Variants in PRKAR1A observed in about 807,000 individuals in gnomAD.
PRKAR1A encodes the protein cAMP-dependent protein kinase type I-alpha regulatory subunit.
In PRKAR1A, 3 loss-of-function variants were observed where a neutral mutation model predicts 52.0. That is an observed-to-expected ratio of 0.06 (90% CI 0.03 to 0.15). PRKAR1A has a LOEUF of 0.15. Among genes scored for constraint, PRKAR1A ranks in the 10% least tolerant of loss-of-function variants. PRKAR1A has a pLI of 1.00. For synonymous variants in PRKAR1A, 188 were observed against 168.4 expected, an observed-to-expected ratio of 1.12 and a Z score of -0.90; for missense variants, 240 against 477.4, an observed-to-expected ratio of 0.50 and a Z score of 4.63.
At chr17:68,530,129 G>A (rs942695161) in intron 10 of PRKAR1A, 128 bp downstream of exon 10, 1 of 1,477,532 alleles carries the variant, frequency 6.8e-7, no homozygotes, top group Non-Finnish European at 9.4e-7. Flanking sequence ...TTTTGGCTCT[G>A]AGAGGGAAGG....
chr17:68,467,074 G>T, the PRKAR1A span, among the ~76,000 whole-genome samples: 10 of 152,314 alleles, frequency 6.6e-5, no homozygotes, highest in Non-Finnish European at 1.3e-4. Flanking sequence ...GTTCATCCAC[G>T]TTGTAGCATG....
chr17:68,484,498 T>C, the PRKAR1A span, among the ~76,000 whole-genome samples: 1 of 152,152 alleles, frequency 6.6e-6, no homozygotes, highest in Non-Finnish European at 1.5e-5. Flanking sequence ...TCTACAATTT[T>C]ACTTCTTCCT....
the PRKAR1A span, among the ~76,000 whole-genome samples, chr17:68,429,281 G>T: frequency 6.6e-6 from 1 of 152,176 alleles, no homozygotes; most frequent in Non-Finnish European, 1.5e-5. Flanking sequence ...CAGAAAGGGG[G>T]TAAATGGAGG....
the PRKAR1A span, chr17:68,422,079 A>G: frequency 8.7e-6 from 4 of 458,372 alleles, no homozygotes; most frequent in East Asian, 7.2e-5. Flanking sequence ...GTATATGTAT[A>G]TATTTTTAAA....
chr17:68,446,642 G>A, the PRKAR1A span, among the ~76,000 whole-genome samples: 3 of 152,176 alleles, frequency 2.0e-5, no homozygotes, highest in Non-Finnish European at 4.4e-5. Flanking sequence ...AGCACATGCC[G>A]TGGTTAGAAC....
chr17:68,425,832 C>A, the PRKAR1A span: 1 of 425,834 alleles, frequency 2.3e-6, no homozygotes, highest in South Asian at 4.1e-5. Context: ...GCCACCAAGA[C>A]TCCCTGGATT....
the PRKAR1A span, among the ~76,000 whole-genome samples, chr17:68,466,454 C>G: frequency 6.7e-6 from 1 of 148,662 alleles, no homozygotes. Flanking sequence ...CTCTGTCACC[C>G]AGGCTGGAGT....
At chr17:68,474,399 T>C in the PRKAR1A span, among the ~76,000 whole-genome samples, 2 of 152,084 alleles carry the variant, frequency 1.3e-5, no homozygotes, top group African/African-American at 4.8e-5. Flanking sequence ...TCCCCAGGCG[T>C]GTACAGGAGG....
At chr17:68,519,953 C>T (rs2085553918) in intron 2 of PRKAR1A, among the ~76,000 whole-genome samples, 1 of 152,252 alleles carries the variant, frequency 6.6e-6, no homozygotes, top group African/African-American at 2.4e-5. Context: ...TGGTTATAGA[C>T]TGTAGTCGTC....
At chr17:68,426,254 G>GGCCCCCCCCCCCCCCC in the PRKAR1A span, 1 of 816,906 alleles carries the variant, frequency 1.2e-6, no homozygotes, top group Non-Finnish European at 1.9e-6. Context: ...GGGAGCGGGG[G>GGCCCCCCCCCCCCCCC]CTCAAATAAA....
chr17:68,462,267 T>C, the PRKAR1A span, among the ~76,000 whole-genome samples: 1 of 152,328 alleles, frequency 6.6e-6, no homozygotes, highest in Middle Eastern at 3.4e-3. Flanking sequence ...TGCTTGCTGA[T>C]TGGCTGATGA....
intron 3 of PRKAR1A, 155 bp from the exon 4 acceptor site, chr17:68,523,570 G>T (rs1010697851): frequency 1.9e-5 from 13 of 668,600 alleles, no homozygotes; most frequent in African/African-American, 3.6e-5. Flanking sequence ...GTAGTTTATG[G>T]ATCAAAGATA....
chr17:68,487,619 C>T, the PRKAR1A span, among the ~76,000 whole-genome samples: 1 of 151,772 alleles, frequency 6.6e-6, no homozygotes, highest in East Asian at 1.9e-4. Flanking sequence ...TGACCGACAT[C>T]GTGAAACCCC....
At chr17:68,425,989 A>G in the PRKAR1A span, 2 of 1,026,422 alleles carry the variant, frequency 1.9e-6, no homozygotes, top group Non-Finnish European at 3.0e-6. Context: ...GAAAACAGGG[A>G]AAGGGACTCT....
chr17:68,533,206 C>A lies in PRKAR1A; in HGVS notation c.*2757C>A. On this transcript the variant is annotated 3_prime_UTR_variant, in exon 11 of 11. Coordinates refer to ENST00000589228, the MANE Select transcript of PRKAR1A (RefSeq NM_002734.5). ...AAGCCTCATATATAAAGCCTTATTT[C>A]TGATGCTCTTAGATTTCTGAGGAGT... is the stretch of plus-strand genomic sequence containing the variant. 1 of 1,057,208 alleles carries A rather than the reference C, an allele frequency of 9.5e-7. No homozygotes were observed. Among genetic ancestry groups the A allele is most frequent in the Non-Finnish European group, 1.1e-6 (1 of 872,178 alleles). The allele number at this position is 1,057,208 out of a possible 1,614,324, so 65.5% of individuals were successfully genotyped here.
the PRKAR1A span, chr17:68,440,912 A>T: frequency 6.6e-6 from 1 of 152,370 alleles, no homozygotes; most frequent in East Asian, 1.9e-4. Context: ...AAATAGAAAG[A>T]CATCTTCTTT....
At chr17:68,529,778 G>A (rs1481555560) in intron 9 of PRKAR1A, 142 bp from the exon 10 acceptor site, 8 of 811,404 alleles carry the variant, frequency 9.9e-6, no homozygotes, top group Admixed American at 9.5e-5. Context: ...AGAAATTGAA[G>A]CTCATGTGGT....
chr17:68,541,000 G>A (rs2086263273), intron 11 of PRKAR1A: 1 of 1,552,982 alleles, frequency 6.4e-7, no homozygotes, highest in Non-Finnish European at 8.7e-7. Context: ...AAGCCAAGAT[G>A]GCAGGGTGTC....
At chr17:68,548,473 C>T (rs1568732651) in intron 11 of PRKAR1A, among the ~76,000 whole-genome samples, 6 of 151,644 alleles carry the variant, frequency 4.0e-5, no homozygotes. Flanking sequence ...GAGGTTGCAG[C>T]GAGCTGAGAT....
Sources: gnomAD v4.1 joint callset for allele counts (sites outside exome capture counted in the v4.1 genomes callset) on GRCh38, gnomAD v4.1.1 for gene constraint, MANE v1.5 for transcripts, NCBI Gene and HGNC (gene_info 2026-07-23, HGNC 2026-07-21) for gene names.